Variants in SYT7 observed in about 807,000 individuals in gnomAD.
The protein encoded by SYT7 is synaptotagmin-7.
A neutral mutation model predicts 75.1 loss-of-function variants in SYT7; 29 were observed. The ratio of observed to expected loss-of-function variants is 0.39; its 90% CI spans 0.29 to 0.53. SYT7 has a LOEUF of 0.53. Among genes scored for constraint, SYT7 ranks in the 20% least tolerant of loss-of-function variants. SYT7 has a pLI of 0.77. For missense variants in SYT7, 693 were observed against 953.2 expected, an observed-to-expected ratio of 0.73 and a Z score of 3.59; for synonymous variants, 376 against 401.7, an observed-to-expected ratio of 0.94 and a Z score of 0.76.
intron 1 of SYT7, among the ~76,000 whole-genome samples, chr11:61,578,512 A>G (rs922259316): frequency 6.6e-6 from 1 of 151,924 alleles, no homozygotes; most frequent in Non-Finnish European, 1.5e-5. Flanking sequence ...ATATCTCAGT[A>G]CCAACCAGTA....
At chr11:61,568,682 C>T (rs899968736) in intron 1 of SYT7, among the ~76,000 whole-genome samples, 1 of 152,176 alleles carries the variant, frequency 6.6e-6, no homozygotes, top group Non-Finnish European at 1.5e-5. Context: ...TTCTAGAGGC[C>T]ACACTATGCC....
chr11:61,553,677 C>G lies in SYT7; in HGVS notation c.136-2214G>C, dbSNP rs539660087. Among the ~76,000 whole-genome samples the G allele has an allele frequency of 6.6e-6, 1 of 152,334 alleles. No individual in the cohort carries two copies. The highest frequency in any genetic ancestry group is 2.1e-4 in the South Asian group (1 of 4,830). ...AAGTTAACAGGAAACCAGGCAGGGT[C>G]CAGGTGACATTAGGCAGCTCCAAAG... On this transcript the variant is annotated intron_variant, in intron 2 of 12. Coordinates refer to ENST00000539008, the MANE Select transcript of SYT7 (RefSeq NM_001365809.2). The surrounding 1 kb of genome is among the most constrained non-coding windows in gnomAD (Gnocchi z 5.2).
chr11:61,535,414 G>A (rs960960619), intron 7 of SYT7, among the ~76,000 whole-genome samples: 1 of 152,220 alleles, frequency 6.6e-6, no homozygotes, highest in Non-Finnish European at 1.5e-5. Context: ...GGTGGGCCGC[G>A]GTGGAAACCA....
chr11:61,532,833 C>G (rs1251123364), intron 8 of SYT7, among the ~76,000 whole-genome samples, 156 bp downstream of exon 8: 1 of 152,194 alleles, frequency 6.6e-6, no homozygotes, highest in African/African-American at 2.4e-5. Flanking sequence ...CGCCGAGTGG[C>G]CACCATGCTG....
At position 61,538,255 on chromosome 11, in the gene SYT7, A is replaced by G. The variant is rs2062927858; in HGVS notation, c.953T>C (p.Met318Thr). ...LDMKSFLEGR[M>T]VVLSLVLGLS... ...CCCTAAGACCAAGGATAGCACCACC[A>G]TCCGGCCTTCCCTGCCCGGGGAGGG... The change falls in exon 7 of 13, where the codon ATG (methionine) becomes ACG (threonine). Residue 318 changes from methionine to threonine, a missense_variant. Physicochemically the swap from Met to Thr is moderately conservative, Grantham distance 81. Around this residue, in one of 2 missense-constraint regions of SYT7, gnomAD observed 487 missense variants for 593.2 expected, o/e 0.82. Coordinates refer to ENST00000539008, the MANE Select transcript of SYT7 (RefSeq NM_001365809.2). 3 of 1,532,996 alleles carry G rather than the reference A, an allele frequency of 2.0e-6. No homozygotes were observed. The highest frequency in any genetic ancestry group is 2.6e-6 in the Non-Finnish European group (3 of 1,145,078). The allele number at this position is 1,532,996 out of a possible 1,614,324, so 95.0% of individuals were successfully genotyped here.
At chr11:61,532,492 T>G (rs2062742262) in intron 8 of SYT7, among the ~76,000 whole-genome samples, 1 of 152,144 alleles carries the variant, frequency 6.6e-6, no homozygotes. Flanking sequence ...AGTGGATTCC[T>G]GCTCTCCTGT....
intron 9 of SYT7, among the ~76,000 whole-genome samples, chr11:61,527,302 T>C (rs750111106): frequency 6.6e-6 from 1 of 152,234 alleles, no homozygotes; most frequent in Non-Finnish European, 1.5e-5. Context: ...TTCTAAGTGC[T>C]TTTACAATTC....
rs2062168424 is a variant in SYT7, at chr11:61,517,142, G to C, written c.*1485C>G. The C allele has an allele frequency of 2.5e-6, 1 of 397,288 alleles. No homozygotes were observed. Among genetic ancestry groups the C allele is most frequent in the Non-Finnish European group, 4.4e-6 (1 of 225,730 alleles). The allele number at this position is 397,288 out of a possible 1,614,324, so 24.6% of individuals were successfully genotyped here. A position where few individuals can be genotyped will look rare whatever the true frequency, so the allele number is the denominator to read the frequency against. On this transcript the variant is annotated 3_prime_UTR_variant, in exon 13 of 13. Transcript: ENST00000539008. ...TTCTGGGAATGTCAGGCCCAGGCTC[G>C]TGGACCCCCAGGATTGGAGGCTTTG...
intron 1 of SYT7, among the ~76,000 whole-genome samples, chr11:61,569,436 G>A (rs2063860573): frequency 6.6e-6 from 1 of 152,138 alleles, no homozygotes; most frequent in South Asian, 2.1e-4. Flanking sequence ...GAGAGAGCAA[G>A]GGGACAAAAA....
the SYT7 span, among the ~76,000 whole-genome samples, chr11:61,586,879 G>A: frequency 1.3e-5 from 2 of 152,080 alleles, no homozygotes; most frequent in Non-Finnish European, 2.9e-5. Flanking sequence ...TCCTGTGGCT[G>A]GTGCCAGCTT....
At chr11:61,574,848 C>T (rs2064025761) in intron 1 of SYT7, among the ~76,000 whole-genome samples, 1 of 152,020 alleles carries the variant, frequency 6.6e-6, no homozygotes, top group Non-Finnish European at 1.5e-5. Context: ...CAATTTGTAC[C>T]CAGGGCCCCG....
rs907543182 is a variant in SYT7 at position 61,523,665 on chromosome 11, G to A, written c.1756+162C>T. ...GAGTCCGAGATGAGGGTGCTCCAAAGGGGGGCCCCAGGGTCTCTAGGGTAA... is the reference window on the plus strand; with the variant it reads ...GAGTCCGAGATGAGGGTGCTCCAAAAGGGGGCCCCAGGGTCTCTAGGGTAA... On this transcript the variant is annotated intron_variant, in intron 11 of 12. Coordinates refer to ENST00000539008, the MANE Select transcript of SYT7 (RefSeq NM_001365809.2). The surrounding 1 kb of genome is among the most constrained non-coding windows in gnomAD (Gnocchi z 5.0). Among the ~76,000 whole-genome samples, 6 of 152,176 alleles carry A rather than the reference G, an allele frequency of 3.9e-5. No homozygotes were observed. Among genetic ancestry groups the A allele is most frequent in the African/African-American group, 1.4e-4 (6 of 41,422 alleles).
chr11:61,555,149 GC>G (rs1206989850), intron 2 of SYT7, among the ~76,000 whole-genome samples: 2 of 152,150 alleles, frequency 1.3e-5, no homozygotes, highest in East Asian at 3.9e-4. Context: ...CCCCCCTTTG[GC>G]TGCGCAGGAA....
At chr11:61,584,822 T>C (rs531779060), upstream of SYT7, among the ~76,000 whole-genome samples, 362 of 152,288 alleles carry the variant, frequency 2.4e-3, 2 homozygotes, top group African/African-American at 8.4e-3. Flanking sequence ...CCTTGGGTCT[T>C]GTATCTCATT....
intron 12 of SYT7, among the ~76,000 whole-genome samples, chr11:61,519,812 TTTTGTTTG>T (rs749245537): frequency 6.6e-6 from 1 of 152,070 alleles, no homozygotes; most frequent in Non-Finnish European, 1.5e-5. Flanking sequence ...AAAATAGTGT[TTTTGTTTG>T]TTTGTTTGTT....
At chr11:61,548,690 A>G (rs2063260665) in intron 3 of SYT7, among the ~76,000 whole-genome samples, 1 of 152,214 alleles carries the variant, frequency 6.6e-6, no homozygotes, top group Non-Finnish European at 1.5e-5. Context: ...CCCAGGATCA[A>G]GCAAACATGT....
intron 2 of SYT7, among the ~76,000 whole-genome samples, chr11:61,555,149 G>C (rs1459356961): frequency 6.6e-6 from 1 of 152,150 alleles, no homozygotes; most frequent in Non-Finnish European, 1.5e-5. Context: ...CCCCCCTTTG[G>C]CTGCGCAGGA....
Position 61,546,054 on chromosome 11 carries a change from G to A in SYT7, c.549C>T (p.Ala183=), listed in dbSNP as rs969819036. The A allele has an allele frequency of 1.2e-5, 19 of 1,533,422 alleles. No individual in the cohort carries two copies. The highest frequency in any genetic ancestry group is 4.1e-5 in the African/African-American group (3 of 72,670). The allele number at this position is 1,533,422 out of a possible 1,614,324, so 95.0% of individuals were successfully genotyped here. A position where few individuals can be genotyped will look rare whatever the true frequency, so the allele number is the denominator to read the frequency against. Residue 183 remains alanine, a synonymous_variant, in exon 5 of 13, where the codon GCC becomes GCT. Coordinates refer to ENST00000539008, the MANE Select transcript of SYT7 (RefSeq NM_001365809.2). The surrounding 1 kb of genome is among the most constrained non-coding windows in gnomAD (Gnocchi z 7.6). ...GRWRTVQSHL[A]AGKLNLSNFE... The stretch of plus-strand genomic sequence containing the variant: ...ACTTGGACAAGTTGAGCTTCCCTGC[G>A]GCCAGGTGGCTCTGCACCGTCCGCC...
chr11:61,541,417 T>C, intron 6 of SYT7: 1 of 400,992 alleles, frequency 2.5e-6, no homozygotes, highest in Non-Finnish European at 3.3e-6. Flanking sequence ...GGAGGGGGCT[T>C]CCTGGGTGGG....
Sources: gnomAD v4.1 joint callset for allele counts (sites outside exome capture counted in the v4.1 genomes callset) on GRCh38, gnomAD v4.1.1 for gene constraint, gnomAD v4.1.1 regional missense constraint, Gnocchi (gnomAD v3.1) non-coding constraint, MANE v1.5 for transcripts, NCBI Gene and HGNC (gene_info 2026-07-23, HGNC 2026-07-21) for gene names.